The following TBC1D22A variants were observed in gnomAD, a reference collection of about 807,000 sequenced individuals.
TBC1D22A encodes the protein putative GTPase activator.
A neutral mutation model predicts 60.2 loss-of-function variants in TBC1D22A; 38 were observed. The observed-to-expected ratio is 0.63, with a 90% CI of 0.49 to 0.83. TBC1D22A has a LOEUF of 0.83. TBC1D22A is among the 40% of genes least tolerant of loss of function. TBC1D22A has a pLI of 0.00. For synonymous variants in TBC1D22A, 302 were observed against 281.7 expected, an observed-to-expected ratio of 1.07 and a Z score of -0.72; for missense variants, 628 against 701.0, an observed-to-expected ratio of 0.90 and a Z score of 1.18.
chr22:46,799,039 G>GTT (rs5845767), intron 4 of TBC1D22A, among the ~76,000 whole-genome samples: 50 of 150,716 alleles, frequency 3.3e-4, no homozygotes, highest in East Asian at 5.9e-4. Context: ...CCTTATGTTT[G>GTT]TTTTTTTTTG....
intron 8 of TBC1D22A, among the ~76,000 whole-genome samples, chr22:46,947,872 G>A (rs1220139436): frequency 1.3e-5 from 2 of 152,190 alleles, no homozygotes; most frequent in African/African-American, 4.8e-5. Flanking sequence ...TTTCCATTCT[G>A]TTGCTAACTT....
At chr22:46,965,581 T>G (rs556292450) in intron 8 of TBC1D22A, among the ~76,000 whole-genome samples, 1 of 152,404 alleles carries the variant, frequency 6.6e-6, no homozygotes, top group African/African-American at 2.4e-5. Context: ...TCAGAGGGTC[T>G]GTTTCTTGTT....
At chr22:46,973,352 G>A (rs1323428720) in intron 8 of TBC1D22A, among the ~76,000 whole-genome samples, 3 of 152,234 alleles carry the variant, frequency 2.0e-5, no homozygotes, top group Admixed American at 6.5e-5. Context: ...TGACAGCAGA[G>A]TGGTGACAGC....
chr22:46,919,912 G>T (rs2147833506), intron 8 of TBC1D22A, among the ~76,000 whole-genome samples: 1 of 152,274 alleles, frequency 6.6e-6, no homozygotes, highest in Non-Finnish European at 1.5e-5. Context: ...AGCAACTTCA[G>T]TGTTGACAGC....
At position 46,812,837 on chromosome 22, in the gene TBC1D22A, C is replaced by T. The variant is rs554280053; in HGVS notation, c.637+15217C>T. ...CTCGTAAGCTTAAATTTGCTTGTTT[C>T]GACTTAATGTTAGCATTTATCTTTT... On this transcript the variant is annotated intron_variant, in intron 4 of 12. Coordinates refer to ENST00000337137, the MANE Select transcript of TBC1D22A (RefSeq NM_014346.5). 1.4e-4 allele frequency among the ~76,000 whole-genome samples: 22 copies of T among 152,290 alleles called. No individual in the cohort carries two copies. In the South Asian group the frequency reaches 3.5e-3, roughly 24 times the overall value.
intron 10 of TBC1D22A, among the ~76,000 whole-genome samples, chr22:46,998,358 A>G (rs2075192004): frequency 6.6e-6 from 1 of 152,198 alleles, no homozygotes; most frequent in Admixed American, 6.5e-5. Flanking sequence ...TGAACAGAGC[A>G]TTAACTAAGT....
At chr22:47,074,029 G>A (rs1023718341) in intron 11 of TBC1D22A, among the ~76,000 whole-genome samples, 1 of 152,178 alleles carries the variant, frequency 6.6e-6, no homozygotes, top group East Asian at 1.9e-4. Flanking sequence ...GATCAGTCGG[G>A]CCCCGGAGGT....
chr22:47,099,456 T>G (rs1182453640), intron 11 of TBC1D22A, among the ~76,000 whole-genome samples: 1 of 151,220 alleles, frequency 6.6e-6, no homozygotes, highest in African/African-American at 2.4e-5. Context: ...TGTTGTTTTT[T>G]TTTTTTGAAA....
In TBC1D22A at chr22:46,997,683, TAGA is replaced by T. The variant is rs767658203; in HGVS notation, c.1180_1182del (p.Glu394del). ...GGGATTCAAATGAAAGTGAAAATGT[TAGA>T]AGAACTCGTGAGCCGGATTGATGGT... On this transcript the variant is annotated inframe_deletion, in exon 10 of 13. Transcript: ENST00000337137. 1 of 1,614,102 alleles carries T rather than the reference TAGA, an allele frequency of 6.2e-7. No homozygotes were observed. The highest frequency in any genetic ancestry group is 2.2e-5 in the East Asian group (1 of 44,878).
chr22:46,847,906 G>T (rs2087076659), intron 4 of TBC1D22A, among the ~76,000 whole-genome samples: 1 of 150,164 alleles, frequency 6.7e-6, no homozygotes, highest in Non-Finnish European at 1.5e-5. Flanking sequence ...AAATAGTCAA[G>T]GTACCCTAGT....
intron 7 of TBC1D22A, among the ~76,000 whole-genome samples, chr22:46,907,711 C>T (rs953107598): frequency 2.0e-5 from 3 of 152,228 alleles, no homozygotes; most frequent in African/African-American, 7.2e-5. Flanking sequence ...ACTGAGGGCA[C>T]TGCTGTAAAG....
chr22:47,083,794 A>G (rs1351331319), intron 11 of TBC1D22A, among the ~76,000 whole-genome samples: 1 of 152,196 alleles, frequency 6.6e-6, no homozygotes, highest in Non-Finnish European at 1.5e-5. Flanking sequence ...AGTACTCAAC[A>G]TTACTCATCA....
At chr22:46,869,092 A>G (rs1230575183) in intron 4 of TBC1D22A, among the ~76,000 whole-genome samples, 2 of 152,064 alleles carry the variant, frequency 1.3e-5, no homozygotes, top group East Asian at 3.9e-4. Context: ...CATCCTTCAC[A>G]TTTCTGCTGA....
intron 12 of TBC1D22A, among the ~76,000 whole-genome samples, chr22:47,115,509 G>A (rs1451713983): frequency 6.6e-6 from 1 of 152,206 alleles, no homozygotes; most frequent in Non-Finnish European, 1.5e-5. Flanking sequence ...GGGTCTTGGG[G>A]GTGAAAGGAG....
At chr22:46,891,489 G>A in intron 6 of TBC1D22A, 95 bp downstream of exon 6, 5 of 1,385,908 alleles carry the variant, frequency 3.6e-6, no homozygotes, top group Non-Finnish European at 4.8e-6. Context: ...ATGTGGAGTT[G>A]GTCAGAGTTA....
chr22:47,121,904 C>T (rs898527273), intron 12 of TBC1D22A, among the ~76,000 whole-genome samples: 3 of 152,146 alleles, frequency 2.0e-5, no homozygotes, highest in Non-Finnish European at 2.9e-5. Flanking sequence ...GCACTGCGCC[C>T]GCCCCTCGGG....
At chr22:46,882,260 C>G (rs2067887956) in intron 5 of TBC1D22A, among the ~76,000 whole-genome samples, 1 of 152,152 alleles carries the variant, frequency 6.6e-6, no homozygotes, top group Non-Finnish European at 1.5e-5. Context: ...GAGTGCCTAC[C>G]CTGCGGCTAG....
chr22:46,972,597 A>G (rs1037154029), intron 8 of TBC1D22A, among the ~76,000 whole-genome samples: 1 of 152,196 alleles, frequency 6.6e-6, no homozygotes, highest in Non-Finnish European at 1.5e-5. Flanking sequence ...AGGCAACTCC[A>G]TAGAGACAGA....
intron 11 of TBC1D22A, among the ~76,000 whole-genome samples, chr22:47,065,660 A>AGTTGGGACTGGGTTGGATTGCGGCAGGAG (rs1334570831): frequency 6.6e-6 from 1 of 152,036 alleles, no homozygotes; most frequent in Non-Finnish European, 1.5e-5. Flanking sequence ...GGATTGAGGG[A>AGTTGGGACTGGGTTGGATTGCGGCAGGAG]GACCTGCGTG....
Sources: gnomAD v4.1 joint callset for allele counts (sites outside exome capture counted in the v4.1 genomes callset) on GRCh38, gnomAD v4.1.1 for gene constraint, MANE v1.5 for transcripts, NCBI Gene and HGNC (gene_info 2026-07-23, HGNC 2026-07-21) for gene names.